ATP6V0D2: variants seen among roughly 807,000 people sequenced by gnomAD.
The protein encoded by ATP6V0D2 is ATPase H+ transporting V0 subunit d2.
Under a neutral mutation model 40.0 loss-of-function variants are expected in ATP6V0D2, and 40 were observed. The observed-to-expected ratio is 1.00, with a 90% CI of 0.78 to 1.30. The LOEUF (loss-of-function observed/expected upper bound fraction) is 1.30, where lower values mean the gene tolerates loss of function less well. Among genes scored for constraint, ATP6V0D2 ranks in the 50% most tolerant of loss-of-function variants. The probability of loss-of-function intolerance (pLI) is 0.00; values close to 1 mark genes in which losing one functional copy is unlikely to be tolerated. For missense variants in ATP6V0D2, 470 were observed against 423.1 expected, an observed-to-expected ratio of 1.11 and a Z score of -0.97; for synonymous variants, 179 against 156.3, an observed-to-expected ratio of 1.15 and a Z score of -1.08.
chr8:86,132,491 C>A (rs989523217), intron 2 of ATP6V0D2, among the ~76,000 whole-genome samples: 2 of 152,132 alleles, frequency 1.3e-5, no homozygotes, highest in African/African-American at 4.8e-5. Flanking sequence ...TACCACCCAC[C>A]ATTCCTAGCC....
intron 6 of ATP6V0D2, 67 bp downstream of exon 6, chr8:86,150,355 A>C: frequency 7.5e-6 from 11 of 1,470,710 alleles, no homozygotes; most frequent in Non-Finnish European, 1.0e-5. Context: ...TTAGAAGCTC[A>C]CACATCAAAT....
At chr8:86,141,239 CT>C (rs1818967390) in intron 3 of ATP6V0D2, among the ~76,000 whole-genome samples, 1 of 152,264 alleles carries the variant, frequency 6.6e-6, no homozygotes, top group African/African-American at 2.4e-5. Flanking sequence ...TTGGGGACCC[CT>C]GGTTTAGGGC....
At chr8:86,142,420 T>A (rs915321363) in intron 4 of ATP6V0D2, among the ~76,000 whole-genome samples, 3 of 152,334 alleles carry the variant, frequency 2.0e-5, no homozygotes, top group South Asian at 2.1e-4. Context: ...TAAAACGTAT[T>A]AGAGTTGGGA....
intron 5 of ATP6V0D2, among the ~76,000 whole-genome samples, chr8:86,144,442 A>G (rs1454305054): frequency 1.3e-5 from 2 of 150,866 alleles, no homozygotes; most frequent in Admixed American, 6.6e-5. Flanking sequence ...TCTGATTTCA[A>G]GAAAAGCCTA....
At chr8:86,099,935 A>C (rs1158617042) in intron 1 of ATP6V0D2, among the ~76,000 whole-genome samples, 2 of 152,200 alleles carry the variant, frequency 1.3e-5, no homozygotes, top group South Asian at 2.1e-4. Context: ...TCTATGACAA[A>C]GAAAAAATAT....
chr8:86,140,774 C>G (rs190730561), intron 3 of ATP6V0D2, among the ~76,000 whole-genome samples: 2 of 152,234 alleles, frequency 1.3e-5, no homozygotes, highest in Admixed American at 1.3e-4. Flanking sequence ...GACAACTTTT[C>G]CATGACAGGA....
chr8:86,132,153 T>C lies in ATP6V0D2; in HGVS notation c.303-7304T>C, dbSNP rs180871945. 4.0e-4 allele frequency among the ~76,000 whole-genome samples: 61 copies of C among 152,272 alleles called. 1 individual carries two copies. The highest frequency in any genetic ancestry group is 3.9e-3 in the Admixed American group (59 of 15,300). On this transcript the variant is annotated intron_variant, in intron 2 of 7. Coordinates refer to ENST00000285393, the MANE Select transcript of ATP6V0D2 (RefSeq NM_152565.1). Reference sequence around the variant, plus strand: ...GTATAGCCCTGAGGTATAAAAAGCTTTAGGGCACTAAACAAACCACAGGAC... The same window carrying C: ...GTATAGCCCTGAGGTATAAAAAGCTCTAGGGCACTAAACAAACCACAGGAC...
At chr8:86,147,259 G>C (rs1044402771) in intron 5 of ATP6V0D2, among the ~76,000 whole-genome samples, 1 of 152,086 alleles carries the variant, frequency 6.6e-6, no homozygotes, top group African/African-American at 2.4e-5. Context: ...TTCCCATGAG[G>C]AACTGGAGAG....
In ATP6V0D2 at chr8:86,136,717, C is replaced by T. The variant is rs189619775; in HGVS notation, c.303-2740C>T. Among the ~76,000 whole-genome samples the T allele has an allele frequency of 4.6e-5, 7 of 152,198 alleles. No individual in the cohort carries two copies. In the East Asian group the frequency reaches 7.7e-4, roughly 17 times the overall value. ...TCTAGAAGTTCCACAATGAAGGAGA[C>T]CCCCTTTTCCAACCAGAAACGAATT... On this transcript the variant is annotated intron_variant, in intron 2 of 7. Coordinates refer to ENST00000285393, the MANE Select transcript of ATP6V0D2 (RefSeq NM_152565.1).
intron 5 of ATP6V0D2, among the ~76,000 whole-genome samples, chr8:86,144,847 TA>T (rs1563565827): frequency 2.6e-5 from 4 of 151,580 alleles, no homozygotes; most frequent in Non-Finnish European, 4.4e-5. Context: ...TTTTATTTTT[TA>T]AAAAAGTTTG....
rs1818729521 is a variant in ATP6V0D2 at position 86,125,573 on chromosome 8, C to A, written c.302+11693C>A. The stretch of plus-strand genomic sequence containing the variant: ...TAAATTTAATAGATTTTCACAGCAA[C>A]CCTATGGAGTGGTACTAGTATTGTT... On this transcript the variant is annotated intron_variant, in intron 2 of 7. Transcript: ENST00000285393. Among the ~76,000 whole-genome samples, 3 of 152,116 alleles carry A rather than the reference C, an allele frequency of 2.0e-5. No individual in the cohort carries two copies. The South Asian group carries it at 6.2e-4, about 32-fold the overall frequency.
chr8:86,115,358 A>ATTTTTTTTTT lies in ATP6V0D2; in HGVS notation c.302+1497_302+1506dup, dbSNP rs564384965. The stretch of plus-strand genomic sequence containing the variant: ...CTTTCTTTGTCCTTCCGTATCATCC[A>ATTTTTTTTTT]TTTTTTTTTTTTTTTTTTTTTTTTT... On this transcript the variant is annotated intron_variant, in intron 2 of 7. Transcript: ENST00000285393. Among the ~76,000 whole-genome samples, 82 of 73,280 alleles carry ATTTTTTTTTT rather than the reference A, an allele frequency of 1.1e-3. 12 individuals carry two copies. The highest frequency in any genetic ancestry group is 4.1e-3 in the African/African-American group (73 of 17,868). 48.1% of individuals were successfully genotyped at this position (73,280 alleles called of 152,430 possible). A position where few individuals can be genotyped will look rare whatever the true frequency, so the allele number is the denominator to read the frequency against.
chr8:86,128,130 AG>A (rs1403820152), intron 2 of ATP6V0D2, among the ~76,000 whole-genome samples: 86 of 152,252 alleles, frequency 5.6e-4, no homozygotes, highest in African/African-American at 1.9e-3. Context: ...GCTCTTTGGG[AG>A]GCTGAGGCGG....
intron 2 of ATP6V0D2, among the ~76,000 whole-genome samples, chr8:86,138,174 C>T (rs1157667834): frequency 6.6e-6 from 1 of 152,150 alleles, no homozygotes; most frequent in Non-Finnish European, 1.5e-5. Flanking sequence ...TGGGGCTTTT[C>T]AAATGTTCTC....
chr8:86,106,029 A>T (rs2130229420), intron 1 of ATP6V0D2, among the ~76,000 whole-genome samples: 1 of 152,190 alleles, frequency 6.6e-6, no homozygotes, highest in South Asian at 2.1e-4. Flanking sequence ...CACTGGAAAT[A>T]TCTACATATT....
At position 86,154,219 on chromosome 8, in the gene ATP6V0D2, A is replaced by C. The variant is rs1355919223; in HGVS notation, c.*1242A>C. 2 of 152,338 alleles carry C rather than the reference A, an allele frequency of 1.3e-5. No homozygotes were observed. The highest frequency in any genetic ancestry group is 3.9e-4 in the East Asian group (2 of 5,188). The allele number at this position is 152,338 out of a possible 1,614,324, so 9.4% of individuals were successfully genotyped here. A position where few individuals can be genotyped will look rare whatever the true frequency, so the allele number is the denominator to read the frequency against. On this transcript the variant is annotated 3_prime_UTR_variant, in exon 8 of 8. Transcript: ENST00000285393. Reference sequence around the variant, plus strand: ...ACACCTTTCTTTAAATAAAAGGTATATCTCTCTTTCTTGTGGTTTCTTCCT... The same window carrying C: ...ACACCTTTCTTTAAATAAAAGGTATCTCTCTCTTTCTTGTGGTTTCTTCCT...
At chr8:86,114,695 G>C in intron 2 of ATP6V0D2, among the ~76,000 whole-genome samples, 1 of 140,056 alleles carries the variant, frequency 7.1e-6, no homozygotes, top group East Asian at 2.1e-4. Context: ...TAAAAAAATT[G>C]AACTCCCACA....
intron 2 of ATP6V0D2, among the ~76,000 whole-genome samples, chr8:86,123,400 T>A (rs956510793): frequency 2.0e-5 from 3 of 152,198 alleles, no homozygotes; most frequent in Non-Finnish European, 4.4e-5. Context: ...AACTCCTGCT[T>A]CGCAAAGTGA....
chr8:86,106,092 C>T (rs1022758118), intron 1 of ATP6V0D2, among the ~76,000 whole-genome samples: 2 of 151,740 alleles, frequency 1.3e-5, no homozygotes. Context: ...TAAGCAAGTG[C>T]TTAACCTTTA....
Sources: allele counts gnomAD v4.1 joint callset (sites outside exome capture counted in the v4.1 genomes callset), GRCh38; gene constraint gnomAD v4.1.1; transcripts MANE v1.5; gene names NCBI Gene and HGNC (gene_info 2026-07-23, HGNC 2026-07-21).